Variants in SNX24 observed in about 807,000 individuals in gnomAD.
SNX24 encodes sorting nexin 24.
In SNX24, 22 loss-of-function variants were observed where a neutral mutation model predicts 28.7. The observed-to-expected ratio is 0.77, with a 90% confidence interval of 0.55 to 1.10. The LOEUF is 1.10. Ranked by LOEUF, SNX24 falls within the 50% of genes least tolerant of loss-of-function variation. SNX24 has a pLI of 0.00. For synonymous variants in SNX24, 69 were observed against 71.5 expected, an observed-to-expected ratio of 0.96 and a Z score of 0.18; for missense variants, 221 against 201.1, an observed-to-expected ratio of 1.10 and a Z score of -0.60.
intron 3 of SNX24, among the ~76,000 whole-genome samples, chr5:122,991,648 A>G (rs1024414782): frequency 6.6e-6 from 1 of 152,072 alleles, no homozygotes; most frequent in African/African-American, 2.4e-5. Context: ...TTTAGTAGAG[A>G]TGGGGCTTCT....
At chr5:123,017,695 C>T (rs556290333) in intron 5 of SNX24, among the ~76,000 whole-genome samples, 1 of 152,040 alleles carries the variant, frequency 6.6e-6, no homozygotes, top group Non-Finnish European at 1.5e-5. Context: ...CTTTCCCATG[C>T]TGTTCTCATG....
At chr5:122,969,747 G>T (rs549974275) in intron 3 of SNX24, among the ~76,000 whole-genome samples, 1 of 152,088 alleles carries the variant, frequency 6.6e-6, no homozygotes, top group Non-Finnish European at 1.5e-5. Context: ...AAACATTCAC[G>T]ATAGGAGACT....
At chr5:122,891,586 G>A (rs1252474333) in intron 1 of SNX24, among the ~76,000 whole-genome samples, 2 of 152,006 alleles carry the variant, frequency 1.3e-5, no homozygotes, top group Non-Finnish European at 2.9e-5. Flanking sequence ...GTTTTCAGTT[G>A]TTTCTTTCCA....
chr5:123,004,787 GC>G (rs958273695), intron 6 of SNX24, among the ~76,000 whole-genome samples: 1 of 152,184 alleles, frequency 6.6e-6, no homozygotes, highest in Non-Finnish European at 1.5e-5. Flanking sequence ...TCCATAGCCG[GC>G]TGCCTCTCAT....
At chr5:122,972,573 C>A (rs923140754) in intron 3 of SNX24, among the ~76,000 whole-genome samples, 2 of 152,330 alleles carry the variant, frequency 1.3e-5, no homozygotes, top group African/African-American at 4.8e-5. Flanking sequence ...ATTTCAGGAG[C>A]ATGAGCTGAC....
chr5:122,890,294 A>G (rs998603939), intron 1 of SNX24, among the ~76,000 whole-genome samples: 5 of 151,936 alleles, frequency 3.3e-5, no homozygotes, highest in African/African-American at 1.2e-4. Flanking sequence ...ATTAACTAAC[A>G]CTTGGGAAGA....
At chr5:122,916,198 C>A (rs2150096465) in intron 1 of SNX24, among the ~76,000 whole-genome samples, 1 of 152,308 alleles carries the variant, frequency 6.6e-6, no homozygotes, top group African/African-American at 2.4e-5. Context: ...ACAGACTTTC[C>A]ACTGTATCTG....
intron 2 of SNX24, among the ~76,000 whole-genome samples, chr5:122,940,760 A>G (rs1011551573): frequency 6.6e-6 from 1 of 152,124 alleles, no homozygotes; most frequent in Non-Finnish European, 1.5e-5. Flanking sequence ...TTTAGTAGAA[A>G]CAGGGTTTCA....
At chr5:122,954,902 T>G (rs1388458687) in intron 3 of SNX24, among the ~76,000 whole-genome samples, 1 of 152,204 alleles carries the variant, frequency 6.6e-6, no homozygotes, top group Non-Finnish European at 1.5e-5. Flanking sequence ...ATCTGTAGAT[T>G]AATGTCTCTT....
chr5:122,991,731 G>C (rs1761857723), intron 3 of SNX24, among the ~76,000 whole-genome samples: 1 of 152,202 alleles, frequency 6.6e-6, no homozygotes, highest in Non-Finnish European at 1.5e-5. Context: ...AAAGTTCTGG[G>C]ATTATAGGTG....
chr5:122,908,425 G>A (rs1581732479), intron 1 of SNX24, among the ~76,000 whole-genome samples: 1 of 152,192 alleles, frequency 6.6e-6, no homozygotes, highest in Admixed American at 6.5e-5. Context: ...GGATACTGTA[G>A]CAGCCGGCAC....
intron 1 of SNX24, among the ~76,000 whole-genome samples, chr5:122,870,859 C>T (rs1755942715): frequency 6.6e-6 from 1 of 152,104 alleles, no homozygotes; most frequent in Non-Finnish European, 1.5e-5. Context: ...TGGTGGATGG[C>T]ACATTGGAAC....
At chr5:122,890,767 G>A (rs925870643) in intron 1 of SNX24, among the ~76,000 whole-genome samples, 2 of 152,096 alleles carry the variant, frequency 1.3e-5, no homozygotes, top group Admixed American at 6.6e-5. Context: ...CACCGCACCC[G>A]GCCTAGAGGG....
intron 1 of SNX24, among the ~76,000 whole-genome samples, chr5:122,877,051 A>T (rs1201053123): frequency 1.3e-5 from 2 of 152,072 alleles, no homozygotes; most frequent in African/African-American, 4.8e-5. Context: ...GTCCTCCTGG[A>T]GGGTGGGCAT....
chr5:122,975,352 G>A (rs1468285179), intron 3 of SNX24, among the ~76,000 whole-genome samples: 1 of 151,610 alleles, frequency 6.6e-6, no homozygotes, highest in East Asian at 1.9e-4. Context: ...TTTGTTTGCT[G>A]AAAATAAATT....
chr5:122,918,194 A>T (rs1181440242), intron 1 of SNX24, among the ~76,000 whole-genome samples: 2 of 152,160 alleles, frequency 1.3e-5, no homozygotes, highest in Non-Finnish European at 2.9e-5. Context: ...AGATCACCTG[A>T]GGTCAGGAGT....
chr5:122,972,363 C>T (rs747721512), intron 3 of SNX24, among the ~76,000 whole-genome samples: 17 of 152,230 alleles, frequency 1.1e-4, no homozygotes, highest in South Asian at 4.2e-4. Flanking sequence ...GATTCCTAGA[C>T]GCGTGAATCC....
chr5:122,870,522 A>G (rs1458979264), intron 1 of SNX24, among the ~76,000 whole-genome samples: 3 of 152,220 alleles, frequency 2.0e-5, no homozygotes, highest in Non-Finnish European at 4.4e-5. Context: ...TATTCAGAAC[A>G]GCATATTGTC....
chr5:122,893,616 C>A (rs895406085), intron 1 of SNX24, among the ~76,000 whole-genome samples: 8 of 152,240 alleles, frequency 5.3e-5, no homozygotes, highest in African/African-American at 1.9e-4. Flanking sequence ...TTCCCTCATG[C>A]ATAATAATTC....
Sources: allele counts gnomAD v4.1 joint callset (sites outside exome capture counted in the v4.1 genomes callset), GRCh38; gene constraint gnomAD v4.1.1; transcripts MANE v1.5; gene names NCBI Gene and HGNC (gene_info 2026-07-23, HGNC 2026-07-21).